The following KLHL13 variants were observed in gnomAD, a reference collection of about 807,000 sequenced individuals.
The protein encoded by KLHL13 is kelch like family member 13.
Under a neutral mutation model 37.1 loss-of-function variants are expected in KLHL13, and 10 were observed. The observed-to-expected ratio is 0.27, with a 90% CI of 0.17 to 0.46. The LOEUF is 0.46. KLHL13 is among the 20% of genes least tolerant of loss of function. The pLI, the probability that KLHL13 is intolerant of heterozygous loss-of-function variation, is 1.00. For synonymous variants in KLHL13, 163 were observed against 181.2 expected (o/e 0.90, Z 0.81); for missense variants, 360 against 509.3 (o/e 0.71, Z 2.82).
chrX:117,947,253 C>A (rs987855548), intron 1 of KLHL13: 1 of 111,597 alleles, frequency 9.0e-6, no homozygotes, highest in African/African-American at 3.3e-5. Flanking sequence ...GTCTATTCAT[C>A]CAGATTATAT....
chrX:117,973,437 T>C lies in KLHL13; in HGVS notation c.-609A>G, dbSNP rs766769670. 89 of 963,771 alleles carry C rather than the reference T, an allele frequency of 9.2e-5. No homozygotes were observed. The South Asian group carries it at 1.7e-3, about 18-fold the overall frequency. 79.4% of individuals were successfully genotyped at this position (963,771 alleles called of 1,213,427 possible). On this transcript the variant is annotated 5_prime_UTR_variant, in exon 1 of 7. Transcript: ENST00000262820. Reference sequence around the variant, plus strand: ...AGATCAGTGACTAAATTCAGCAGCCTGCTTTCCTCCTGTGCAAGCTCTGGC... The same window carrying C: ...AGATCAGTGACTAAATTCAGCAGCCCGCTTTCCTCCTGTGCAAGCTCTGGC...
At chrX:118,069,710 TTAAAAAATTAAAAAG>T (rs763626830) in intron 1 of KLHL13, among the ~76,000 whole-genome samples, 1 of 111,798 alleles carries the variant, frequency 8.9e-6, no homozygotes, top group East Asian at 2.8e-4. Context: ...GCAAAAAGTT[TTAAAAAATTAAAAAG>T]TGTACAAAGT....
At chrX:118,084,193 T>C (rs2055028691) in intron 1 of KLHL13, among the ~76,000 whole-genome samples, 1 of 110,041 alleles carries the variant, frequency 9.1e-6, no homozygotes, top group African/African-American at 3.3e-5. Context: ...TAGCTGGAAG[T>C]GGTCACATGC....
At chrX:118,028,397 T>C (rs747664399) in intron 1 of KLHL13, 27 bp downstream of exon 2, 4 of 982,156 alleles carry the variant, frequency 4.1e-6, no homozygotes, top group Non-Finnish European at 5.6e-6. Context: ...AGACGTTATA[T>C]AAGTTAAACT....
chrX:117,981,510 T>C (rs193291792), intron 1 of KLHL13, among the ~76,000 whole-genome samples: 23 of 112,073 alleles, frequency 2.1e-4, no homozygotes, highest in African/African-American at 7.4e-4. Flanking sequence ...ATCAAATATA[T>C]GTTTTAAATA....
At chrX:117,923,247 T>G (rs2147708894) in intron 2 of KLHL13, among the ~76,000 whole-genome samples, 1 of 111,845 alleles carries the variant, frequency 8.9e-6, no homozygotes, top group South Asian at 3.7e-4. Flanking sequence ...GTTCGAAGGA[T>G]ATTTATTTTT....
intron 2 of KLHL13, among the ~76,000 whole-genome samples, chrX:117,940,294 T>G (rs1407629406): frequency 9.0e-6 from 1 of 111,395 alleles, no homozygotes; most frequent in Admixed American, 9.6e-5. Flanking sequence ...CTGTTCCATT[T>G]GTCTATATAT....
intron 4 of KLHL13, among the ~76,000 whole-genome samples, chrX:117,910,349 A>G (rs945854599): frequency 1.8e-5 from 2 of 111,436 alleles, no homozygotes; most frequent in South Asian, 7.6e-4. Context: ...TCTAAGAAAC[A>G]ATGTTATAAC....
chrX:118,089,898 G>A (rs1310852935), intron 1 of KLHL13, among the ~76,000 whole-genome samples: 1 of 109,606 alleles, frequency 9.1e-6, no homozygotes, highest in Non-Finnish European at 1.9e-5. Context: ...TGCCAACATG[G>A]TGAAACCCCG....
chrX:118,109,256 T>C (rs1602731788), intron 1 of KLHL13, among the ~76,000 whole-genome samples: 1 of 112,231 alleles, frequency 8.9e-6, no homozygotes, highest in East Asian at 2.8e-4. Context: ...GTAACCAACA[T>C]GTACCCTTGA....
rs148866092 is a variant in KLHL13 at position 118,022,496 on chromosome X, C to G, written c.-55-76921G>C. ...TCTCTTCTCTACATCCTCTCCAACA[C>G]TTGCTATCATTTGTCTTTCTGATAA... is the stretch of plus-strand genomic sequence containing the variant. On this transcript the variant is annotated intron_variant, in intron 1 of 6. Transcript: ENST00000371882. 1.5e-3 allele frequency among the ~76,000 whole-genome samples: 164 copies of G among 111,827 alleles called. 2 individuals are homozygous for G. Among genetic ancestry groups the G allele is most frequent in the African/African-American group, 5.2e-3 (159 of 30,837 alleles).
At chrX:118,083,219 C>T (rs1300003375) in intron 1 of KLHL13, among the ~76,000 whole-genome samples, 1 of 111,791 alleles carries the variant, frequency 8.9e-6, no homozygotes, top group Admixed American at 9.6e-5. Flanking sequence ...ATAAAACTAC[C>T]ATATGATCTA....
At chrX:118,022,958 G>C (rs1434658390) in intron 1 of KLHL13, among the ~76,000 whole-genome samples, 1 of 111,516 alleles carries the variant, frequency 9.0e-6, no homozygotes, top group Non-Finnish European at 1.9e-5. Flanking sequence ...TTTTTGTCAA[G>C]CTCTTCCTGA....
At chrX:118,012,472 T>C (rs1474585586) in intron 1 of KLHL13, among the ~76,000 whole-genome samples, 1 of 110,547 alleles carries the variant, frequency 9.0e-6, no homozygotes, top group Non-Finnish European at 1.9e-5. Context: ...CTCCAACCTC[T>C]GGACCCATCA....
intron 4 of KLHL13, among the ~76,000 whole-genome samples, chrX:117,916,488 G>C (rs867204944): frequency 5.3e-5 from 6 of 112,237 alleles, no homozygotes; most frequent in South Asian, 3.7e-4. Flanking sequence ...TGATGGCAAA[G>C]TTAGAAGGGA....
chrX:118,049,869 A>G (rs957860112), intron 1 of KLHL13, among the ~76,000 whole-genome samples: 1 of 111,274 alleles, frequency 9.0e-6, no homozygotes, highest in African/African-American at 3.3e-5. Flanking sequence ...TTTCCTGGCC[A>G]AGTGCCAGAG....
intron 1 of KLHL13, among the ~76,000 whole-genome samples, chrX:118,089,620 GAGAAAGAAAGAA>G (rs3046168): frequency 0.014 from 989 of 71,898 alleles, 19 homozygotes; most frequent in African/African-American, 0.044. Flanking sequence ...GAGAAAGAAA[GAGAAAGAAAGAA>G]AGAAAGAAAG....
chrX:117,979,275 T>A lies in KLHL13; in HGVS notation c.-55-33700A>T, dbSNP rs1484771358. On this transcript the variant is annotated intron_variant, in intron 1 of 6. Transcript: ENST00000371882. ...ATATATACTATGTACTATTTACATA[T>A]GTGATTTTAGATTACCATTTTTAAA... 5.4e-5 allele frequency among the ~76,000 whole-genome samples: 6 copies of A among 112,050 alleles called. No homozygotes were observed. The Admixed American group carries it at 5.7e-4, about 11-fold the overall frequency.
At chrX:118,032,467 C>T (rs767191935) in intron 1 of KLHL13, among the ~76,000 whole-genome samples, 2 of 111,856 alleles carry the variant, frequency 1.8e-5, no homozygotes, top group African/African-American at 3.3e-5. Context: ...GGAGGCACCC[C>T]CCAGCAGGGG....
Sources: gnomAD v4.1 joint callset for allele counts (sites outside exome capture counted in the v4.1 genomes callset) on GRCh38, gnomAD v4.1.1 for gene constraint, MANE v1.5 for transcripts, NCBI Gene and HGNC (gene_info 2026-07-23, HGNC 2026-07-21) for gene names.